Variants in ASAP1 observed in about 807,000 individuals in gnomAD.
The protein encoded by ASAP1 is arf-GAP with SH3 domain, ANK repeat and PH domain-containing protein 1.
Under a neutral mutation model 145.2 loss-of-function variants are expected in ASAP1, and 43 were observed. That is an observed-to-expected ratio of 0.30 (90% CI 0.23 to 0.38). ASAP1 has a LOEUF of 0.38. Ranked by LOEUF, ASAP1 falls within the 10% of genes least tolerant of loss-of-function variation. ASAP1 has a pLI of 1.00. For synonymous variants in ASAP1, 546 were observed against 515.5 expected (o/e 1.06, Z -0.80); for missense variants, 1,018 against 1,355.3 (o/e 0.75, Z 3.91).
At chr8:130,121,752 C>G (rs1471894327) in intron 18 of ASAP1, among the ~76,000 whole-genome samples, 1 of 130,398 alleles carries the variant, frequency 7.7e-6, no homozygotes, top group Admixed American at 8.8e-5. Context: ...TCACTGCACT[C>G]CAGCCTAGGC....
chr8:130,295,383 G>A (rs533118029), intron 3 of ASAP1, among the ~76,000 whole-genome samples: 1 of 151,626 alleles, frequency 6.6e-6, no homozygotes, highest in Admixed American at 6.6e-5. Flanking sequence ...TTAGCCAGGA[G>A]CCACCAATGG....
intron 3 of ASAP1, among the ~76,000 whole-genome samples, chr8:130,266,653 AAC>A (rs1263490667): frequency 2.0e-5 from 3 of 152,238 alleles, no homozygotes; most frequent in East Asian, 3.9e-4. Context: ...GGAGAGAACC[AAC>A]AGTTATAAAA....
intron 3 of ASAP1, among the ~76,000 whole-genome samples, chr8:130,252,836 AAC>A (rs1178592321): frequency 6.6e-6 from 1 of 152,198 alleles, no homozygotes; most frequent in Non-Finnish European, 1.5e-5. Flanking sequence ...TCCATGTTAC[AAC>A]ACAGTGAGAG....
intron 3 of ASAP1, among the ~76,000 whole-genome samples, chr8:130,275,323 G>A (rs1820812718): frequency 6.6e-6 from 1 of 152,230 alleles, no homozygotes; most frequent in Non-Finnish European, 1.5e-5. Flanking sequence ...AGGTCAAAGA[G>A]AGCTAAAGAA....
At chr8:130,131,114 G>A (rs752675291) in intron 15 of ASAP1, among the ~76,000 whole-genome samples, 2 of 151,916 alleles carry the variant, frequency 1.3e-5, no homozygotes, top group Non-Finnish European at 2.9e-5. Flanking sequence ...CCGAGATCGC[G>A]CCACTGCACT....
intron 24 of ASAP1, among the ~76,000 whole-genome samples, chr8:130,102,382 G>C (rs997040926): frequency 6.6e-6 from 1 of 152,118 alleles, no homozygotes; most frequent in Admixed American, 6.5e-5. Context: ...TCATTCTGTT[G>C]ATGTGGTGTG....
intron 20 of ASAP1, 114 bp from the exon 21 acceptor site, chr8:130,117,109 T>A: frequency 1.6e-6 from 1 of 638,094 alleles, no homozygotes; most frequent in Non-Finnish European, 2.7e-6. Flanking sequence ...CTAATTATTA[T>A]AATAGAGAAA....
At chr8:130,211,615 T>C (rs1368041232) in intron 5 of ASAP1, among the ~76,000 whole-genome samples, 3 of 152,212 alleles carry the variant, frequency 2.0e-5, no homozygotes, top group Non-Finnish European at 4.4e-5. Context: ...AAAGCTAGTA[T>C]GAGACCTGGC....
chr8:130,105,194 C>A (rs1480018561), intron 24 of ASAP1, among the ~76,000 whole-genome samples: 1 of 152,064 alleles, frequency 6.6e-6, no homozygotes, highest in Non-Finnish European at 1.5e-5. Context: ...AAAAGAAACT[C>A]ACAATAAAAA....
In ASAP1 at chr8:130,200,380, G is replaced by C. The variant is rs572654235; in HGVS notation, c.406-12197C>G. On this transcript the variant is annotated intron_variant, in intron 5 of 29. Coordinates refer to ENST00000518721, the MANE Select transcript of ASAP1 (RefSeq NM_018482.4). ...GACTGCCAGGGGTAATGGGGGAGAG[G>C]ATCCTTTCTCCAAACCCTGCACAAA... Among the ~76,000 whole-genome samples the C allele has an allele frequency of 3.3e-5, 5 of 152,220 alleles. No homozygotes were observed. In the East Asian group the frequency reaches 9.7e-4, roughly 29 times the overall value.
chr8:130,321,498 G>A (rs1296858763), intron 3 of ASAP1, among the ~76,000 whole-genome samples: 8 of 152,106 alleles, frequency 5.3e-5, no homozygotes, highest in Non-Finnish European at 2.9e-5. Context: ...AAAAAGGAGA[G>A]AGATGTACTT....
At chr8:130,414,167 G>T (rs1013824694) in intron 1 of ASAP1, among the ~76,000 whole-genome samples, 1 of 152,218 alleles carries the variant, frequency 6.6e-6, no homozygotes, top group African/African-American at 2.4e-5. Context: ...ATTCTGAATG[G>T]ACAGAACAGT....
At chr8:130,392,261 C>T (rs115389454) in intron 2 of ASAP1, among the ~76,000 whole-genome samples, 161 of 152,304 alleles carry the variant, frequency 1.1e-3, no homozygotes, top group African/African-American at 3.5e-3. Context: ...AAAGGGAGAC[C>T]TGCTGCCTTA....
At chr8:130,169,674 C>T (rs1813445120) in intron 9 of ASAP1, among the ~76,000 whole-genome samples, 1 of 152,214 alleles carries the variant, frequency 6.6e-6, no homozygotes, top group Non-Finnish European at 1.5e-5. Flanking sequence ...GAATTAATAT[C>T]TGTGGAGCAT....
chr8:130,097,126 CAAAAAAAAAAAAAAAAAAAAAAA>C (rs61591724), intron 24 of ASAP1, among the ~76,000 whole-genome samples: 1 of 53,568 alleles, frequency 1.9e-5, no homozygotes, highest in Admixed American at 3.3e-4. Flanking sequence ...AGTTAGTCTC[CAAAAAAAAAAAAAAAAAAAAAAA>C]AAAAAAAAAA....
At chr8:130,330,405 C>A (rs1427535271) in intron 3 of ASAP1, among the ~76,000 whole-genome samples, 3 of 152,246 alleles carry the variant, frequency 2.0e-5, no homozygotes, top group Admixed American at 1.3e-4. Flanking sequence ...TCAGAGCAAT[C>A]TGAATTATCA....
intron 3 of ASAP1, among the ~76,000 whole-genome samples, chr8:130,347,237 T>C (rs1184046398): frequency 6.6e-6 from 1 of 152,184 alleles, no homozygotes; most frequent in Non-Finnish European, 1.5e-5. Flanking sequence ...ATACCCTATG[T>C]GGAATGTTGA....
At position 130,214,987 on chromosome 8, in the gene ASAP1, G is replaced by T. The variant is rs549572085; in HGVS notation, c.260-286C>A. Among the ~76,000 whole-genome samples the T allele has an allele frequency of 1.1e-3, 162 of 151,636 alleles. 1 individual carries two copies. The highest frequency in any genetic ancestry group is 1.9e-3 in the Non-Finnish European group (129 of 67,896). ...ACAATCTCGGCTCACTGCACCCTCC[G>T]CCTCCCAGGATCAAGTGATTCTCCT... is the stretch of plus-strand genomic sequence containing the variant. On this transcript the variant is annotated intron_variant, in intron 4 of 29. Transcript: ENST00000518721.
chr8:130,110,320 T>G (rs1253125093), intron 24 of ASAP1, among the ~76,000 whole-genome samples: 1 of 152,190 alleles, frequency 6.6e-6, no homozygotes, highest in Admixed American at 6.5e-5. Context: ...GCTGTGCCTG[T>G]CTAGATAGGT....
Sources: allele counts gnomAD v4.1 joint callset (sites outside exome capture counted in the v4.1 genomes callset), GRCh38; gene constraint gnomAD v4.1.1; transcripts MANE v1.5; gene names NCBI Gene and HGNC (gene_info 2026-07-23, HGNC 2026-07-21).